Variants in TRPM2 observed in about 807,000 individuals in gnomAD.
The protein encoded by TRPM2 is transient receptor potential cation channel subfamily M member 2.
Under a neutral mutation model 174.0 loss-of-function variants are expected in TRPM2, and 161 were observed. That is an observed-to-expected ratio of 0.93 (90% confidence interval 0.81 to 1.05). The LOEUF (loss-of-function observed/expected upper bound fraction) is 1.05. Ranked by LOEUF, TRPM2 falls within the 50% of genes least tolerant of loss-of-function variation. The probability of loss-of-function intolerance (pLI) is 0.00; values close to 1 mark genes in which losing one functional copy is unlikely to be tolerated. For missense variants in TRPM2, 2,057 were observed against 2,038.0 expected, an observed-to-expected ratio of 1.01 and a Z score of -0.18; for synonymous variants, 954 against 861.3, an observed-to-expected ratio of 1.11 and a Z score of -1.88.
chr21:44,372,796 C>T (rs941625677), intron 5 of TRPM2, among the ~76,000 whole-genome samples: 7 of 152,162 alleles, frequency 4.6e-5, no homozygotes, highest in Admixed American at 2.0e-4. Context: ...GTGATAAGAC[C>T]GGGGAGACCC....
intron 12 of TRPM2, 26 bp from the exon 13 acceptor site, chr21:44,397,721 C>T (rs1007152417): frequency 5.8e-5 from 89 of 1,539,804 alleles, no homozygotes; most frequent in Non-Finnish European, 7.5e-5. Flanking sequence ...GCTCTTTAGT[C>T]TCACGGTGGC....
chr21:44,418,601 C>A (rs1271608708), intron 22 of TRPM2, 46 bp downstream of exon 22: 3 of 1,608,414 alleles, frequency 1.9e-6, no homozygotes, highest in African/African-American at 1.3e-5. Flanking sequence ...CTCTGGGGGA[C>A]CTCCTGCAGG....
At chr21:44,425,064 C>T in intron 24 of TRPM2, 125 bp downstream of exon 24, 3 of 875,832 alleles carry the variant, frequency 3.4e-6, no homozygotes, top group Non-Finnish European at 5.1e-6. Context: ...CTGGCTGCAG[C>T]CTGTTCCAGG....
At chr21:44,419,846 TTC>T (rs2050480181) in intron 22 of TRPM2, among the ~76,000 whole-genome samples, 1 of 30,276 alleles carries the variant, frequency 3.3e-5, no homozygotes, top group African/African-American at 1.2e-4. Flanking sequence ...GTGATGGTGC[TTC>T]TGATGGTGGT....
rs1382675812 is a variant in TRPM2, at chr21:44,367,890, G to A, written c.604+956G>A. Reference sequence around the variant, plus strand: ...AAATGACCAGACCTTTTCTCAGCCTGGTCACATGGGACTGGGTTTAACGCA... The same window carrying A: ...AAATGACCAGACCTTTTCTCAGCCTAGTCACATGGGACTGGGTTTAACGCA... On this transcript the variant is annotated intron_variant, in intron 4 of 31. Transcript: ENST00000397928. The surrounding 1 kb of genome is among the most constrained non-coding windows in gnomAD (Gnocchi z 4.6). 6.6e-6 allele frequency among the ~76,000 whole-genome samples: 1 copy of A among 152,194 alleles called. No individual in the cohort carries two copies. Among genetic ancestry groups the A allele is most frequent in the African/African-American group, 2.4e-5 (1 of 41,450 alleles).
intron 27 of TRPM2, among the ~76,000 whole-genome samples, chr21:44,427,696 G>T (rs1447730047): frequency 6.6e-6 from 1 of 152,190 alleles, no homozygotes; most frequent in Non-Finnish European, 1.5e-5. Context: ...GGGATGTGGG[G>T]CATGAACCAT....
In TRPM2 at chr21:44,428,625, C is replaced by T. The variant is rs562297360; in HGVS notation, c.3974+1514C>T. On this transcript the variant is annotated intron_variant, in intron 27 of 31. Coordinates refer to ENST00000397928, the MANE Select transcript of TRPM2 (RefSeq NM_003307.4). ...GCTCCTCCCCTTAGGTCTGGCCCCT[C>T]CCCTGAGGTGTGGCTCCTCCCTGAG... Among the ~76,000 whole-genome samples, 5 of 150,472 alleles carry T rather than the reference C, an allele frequency of 3.3e-5. No homozygotes were observed. In the East Asian group the frequency reaches 7.9e-4, roughly 24 times the overall value.
chr21:44,355,254 C>G (rs2048024641), intron 2 of TRPM2, among the ~76,000 whole-genome samples: 1 of 152,102 alleles, frequency 6.6e-6, no homozygotes. Context: ...GGCCAAGACC[C>G]CCGCCCAGGC....
At chr21:44,401,983 A>T (rs2049636464) in intron 16 of TRPM2, 86 bp downstream of exon 16, 1 of 1,464,458 alleles carries the variant, frequency 6.8e-7, no homozygotes, top group Non-Finnish European at 9.5e-7. Context: ...CTTAGAGCCC[A>T]CCCCATCTAG....
At chr21:44,405,619 G>A (rs2049842375) in intron 17 of TRPM2, among the ~76,000 whole-genome samples, 1 of 152,116 alleles carries the variant, frequency 6.6e-6, no homozygotes, top group African/African-American at 2.4e-5. Flanking sequence ...GTGTCTCTGC[G>A]AGGCCGCGGC....
intron 21 of TRPM2, 82 bp from the exon 22 acceptor site, chr21:44,418,340 CG>C: frequency 1.3e-6 from 2 of 1,558,652 alleles, no homozygotes; most frequent in Non-Finnish European, 8.7e-7. Context: ...CCCCCTCCCA[CG>C]GGGCCCCCCC....
rs1227229101 is a variant in TRPM2, at chr21:44,435,760, C to T, written c.4061+543C>T. ...ACTCACCCCTCAGACTCACTCTCCA[C>T]ACCCATCCATGGGGACACAGCCCCA... On this transcript the variant is annotated intron_variant, in intron 28 of 31. Transcript: ENST00000397928. Among the ~76,000 whole-genome samples, 4 of 135,076 alleles carry T rather than the reference C, an allele frequency of 3.0e-5. No homozygotes were observed. In the East Asian group the frequency reaches 9.0e-4, roughly 31 times the overall value. 88.6% of individuals were successfully genotyped at this position (135,076 alleles called of 152,430 possible). A position where few individuals can be genotyped will look rare whatever the true frequency, so the allele number is the denominator to read the frequency against.
chr21:44,394,929 G>A (rs145277905), intron 11 of TRPM2, among the ~76,000 whole-genome samples: 2 of 152,278 alleles, frequency 1.3e-5, no homozygotes, highest in African/African-American at 4.8e-5. Context: ...ATGCAGGGAG[G>A]TGGGTCTGGG....
intron 2 of TRPM2, among the ~76,000 whole-genome samples, chr21:44,355,557 C>T (rs1260535321): frequency 6.6e-6 from 1 of 152,210 alleles, no homozygotes; most frequent in Non-Finnish European, 1.5e-5. Context: ...TCCTACCGCA[C>T]CGTGTGTTTC....
upstream of TRPM2, among the ~76,000 whole-genome samples, chr21:44,352,734 T>G (rs1047845615): frequency 2.6e-5 from 4 of 152,158 alleles, no homozygotes; most frequent in African/African-American, 4.8e-5. Context: ...AGGGCAGTCA[T>G]CCGGTGGCTT....
rs1012083788 is a variant in TRPM2, at chr21:44,425,734, G to C, written c.3702G>C (p.Pro1234=). Residue 1234 remains proline, a synonymous_variant, in exon 25 of 32, where the codon CCG becomes CCC. Coordinates refer to ENST00000397928, the MANE Select transcript of TRPM2 (RefSeq NM_003307.4). ...GAGGCAGGAAGAAGACGGAGGAGCC[G>C]GGCGACAGCTACCACGTGAATGCCC... ...EPGGRKKTEE[P]GDSYHVNARH... is the part of the protein sequence containing the mutation. The C allele has an allele frequency of 8.2e-6, 13 of 1,582,276 alleles. No individual in the cohort carries two copies. The Middle Eastern group carries it at 2.4e-3, about 290-fold the overall frequency.
At chr21:44,427,990 T>C (rs749929006) in intron 27 of TRPM2, among the ~76,000 whole-genome samples, 6 of 152,092 alleles carry the variant, frequency 3.9e-5, no homozygotes, top group Admixed American at 2.0e-4. Context: ...GTGCCTGGCA[T>C]GGGCAACAAG....
intron 19 of TRPM2, 87 bp from the exon 20 acceptor site, chr21:44,413,804 C>A: frequency 6.8e-7 from 1 of 1,472,888 alleles, no homozygotes; most frequent in Non-Finnish European, 9.3e-7. Flanking sequence ...CTGGCAGTGA[C>A]TGGAGGCCTC....
At chr21:44,409,245 T>G (rs1000478123) in intron 19 of TRPM2, among the ~76,000 whole-genome samples, 1 of 152,180 alleles carries the variant, frequency 6.6e-6, no homozygotes, top group Non-Finnish European at 1.5e-5. Flanking sequence ...TACTAAGTGT[T>G]TTATAGCTTT....
Sources: allele counts gnomAD v4.1 joint callset (sites outside exome capture counted in the v4.1 genomes callset), GRCh38; gene constraint gnomAD v4.1.1; non-coding constraint Gnocchi (gnomAD v3.1); transcripts MANE v1.5; gene names NCBI Gene and HGNC (gene_info 2026-07-23, HGNC 2026-07-21).